The following RBL2 variants were observed in gnomAD, a reference collection of about 807,000 sequenced individuals.
The protein encoded by RBL2 is retinoblastoma-like protein 2.
Under a neutral mutation model 126.0 loss-of-function variants are expected in RBL2, and 56 were observed. That is an observed-to-expected ratio of 0.44 (90% CI 0.36 to 0.56). The LOEUF is 0.56. Ranked by LOEUF, RBL2 falls within the 20% of genes least tolerant of loss-of-function variation. The probability of loss-of-function intolerance (pLI) is 0.00; values close to 1 mark genes in which losing one functional copy is unlikely to be tolerated. For missense variants in RBL2, 1,229 were observed against 1,398.2 expected (o/e 0.88, Z 1.93); for synonymous variants, 454 against 478.5 (o/e 0.95, Z 0.67).
intron 3 of RBL2, among the ~76,000 whole-genome samples, chr16:53,446,503 C>G (rs576635970): frequency 3.9e-5 from 6 of 152,280 alleles, no homozygotes; most frequent in African/African-American, 1.2e-4. Context: ...AAGCTTAAAG[C>G]AGGTCTGAAA....
chr16:53,440,604 G>A (rs535161664), intron 2 of RBL2, among the ~76,000 whole-genome samples: 1 of 152,078 alleles, frequency 6.6e-6, no homozygotes, highest in African/African-American at 2.4e-5. Flanking sequence ...CCCAGGCCAG[G>A]GTGCAGGGGC....
chr16:53,488,273 T>C (rs1320532762), intron 21 of RBL2: 1 of 152,244 alleles, frequency 6.6e-6, no homozygotes, highest in Non-Finnish European at 1.5e-5. Context: ...AATGCATCAA[T>C]GCTTAAGTGA....
chr16:53,475,024 G>A (rs1003772697), intron 17 of RBL2, among the ~76,000 whole-genome samples: 4 of 152,146 alleles, frequency 2.6e-5, no homozygotes, highest in Admixed American at 6.5e-5. Context: ...GAATAATTCC[G>A]TCTCTTATTT....
At chr16:53,435,453 G>A in intron 1 of RBL2, 1 of 413,766 alleles carries the variant, frequency 2.4e-6, no homozygotes, top group Non-Finnish European at 3.3e-6. Context: ...TGGTCACCCC[G>A]GGCATTGCAC....
intron 9 of RBL2, among the ~76,000 whole-genome samples, chr16:53,461,209 C>G (rs2058216689): frequency 1.3e-5 from 2 of 152,124 alleles, no homozygotes; most frequent in Non-Finnish European, 2.9e-5. Context: ...AGGTGTATCC[C>G]CGGCCGGGCG....
At chr16:53,486,020 G>A (rs867867053) in intron 21 of RBL2, among the ~76,000 whole-genome samples, 2 of 151,746 alleles carry the variant, frequency 1.3e-5, no homozygotes, top group Non-Finnish European at 2.9e-5. Flanking sequence ...GCCAGATGTC[G>A]TGGCTCATGC....
At chr16:53,481,570 A>G in intron 20 of RBL2, 101 bp from the exon 21 acceptor site, 1 of 1,100,702 alleles carries the variant, frequency 9.1e-7, no homozygotes. Flanking sequence ...TGTCATTCAT[A>G]AAACTACTGG....
intron 4 of RBL2, chr16:53,449,380 T>C (rs1024489301): frequency 1.3e-5 from 2 of 152,204 alleles, no homozygotes; most frequent in African/African-American, 4.8e-5. Flanking sequence ...TTCTCTGTAA[T>C]TAACTCAGTG....
chr16:53,480,732 A>T lies in RBL2; in HGVS notation c.3047A>T (p.Gln1016Leu), dbSNP rs1244048633. The change falls in exon 20 of 22, where the codon CAG (glutamine) becomes CTG (leucine). Residue 1016 changes from glutamine (Q) to leucine (L), a missense_variant. Gln to Leu is a moderately radical substitution (Grantham distance 113). This residue lies in a region of RBL2 where 1,070 missense variants were observed against 1,274.3 expected (regional missense o/e 0.84). Coordinates refer to ENST00000262133, the MANE Select transcript of RBL2 (RefSeq NM_005611.4). ...TTCTACAACAACATCTACATCAAAC[A>T]GATTAAGACATTTGCCATGAAGTAC... The part of the protein sequence containing the change: ...IQFYNNIYIK[Q>L]IKTFAMKYSQ... 2 of 1,613,254 alleles carry T rather than the reference A, an allele frequency of 1.2e-6. No homozygotes were observed. Among genetic ancestry groups the T allele is most frequent in the South Asian group, 2.2e-5 (2 of 91,044 alleles).
At chr16:53,459,351 C>A in intron 8 of RBL2, 100 bp from the exon 9 acceptor site, 4 of 921,076 alleles carry the variant, frequency 4.3e-6, no homozygotes, top group East Asian at 2.6e-5. Context: ...GTCTTACTGG[C>A]TTGAAGTCCC....
intron 2 of RBL2, among the ~76,000 whole-genome samples, chr16:53,440,910 C>T (rs923736057): frequency 4.1e-5 from 6 of 148,058 alleles, no homozygotes; most frequent in Admixed American, 2.7e-4. Context: ...AGTTTGGTCA[C>T]TGTACAGGGA....
chr16:53,435,713 C>T (rs1457831375), intron 1 of RBL2: 2 of 1,288,818 alleles, frequency 1.6e-6, no homozygotes, highest in African/African-American at 1.5e-5. Context: ...AAGAGTCGGG[C>T]AAATAGGTCC....
chr16:53,449,196 T>C (rs962730355), intron 4 of RBL2: 1 of 152,202 alleles, frequency 6.6e-6, no homozygotes, highest in Non-Finnish European at 1.5e-5. Flanking sequence ...TTCATATGAT[T>C]GTATTGGGCA....
At chr16:53,480,995 C>T (rs1013086971) in intron 20 of RBL2, 7 of 382,338 alleles carry the variant, frequency 1.8e-5, no homozygotes, top group Non-Finnish European at 2.4e-5. Flanking sequence ...CCAGTCTCTA[C>T]TAAAAATACA....
At chr16:53,442,883 G>C in intron 3 of RBL2, 25 bp downstream of exon 3, 4 of 1,566,972 alleles carry the variant, frequency 2.6e-6, no homozygotes, top group Middle Eastern at 3.4e-4. Context: ...TGGTTCATCA[G>C]GAATACACGT....
At position 53,470,156 on chromosome 16, in the gene RBL2, A is replaced by G. The variant is rs752812521; in HGVS notation, c.2216A>G (p.Asn739Ser). ...GCAACCGCCACTGTCACAGCCAACA[A>G]TGGGCAAACGGTAACCATTCCTGTG... ...TMATATVTAN[N>S]GQTVTIPVQG... The change falls in exon 15 of 22, where the codon AAT (asparagine) becomes AGT (serine). Residue 739 changes from asparagine (N) to serine (S), a missense_variant. Asn to Ser is a conservative substitution (Grantham distance 46, BLOSUM62 1). Around this residue, in one of 2 missense-constraint regions of RBL2, gnomAD observed 1,070 missense variants for 1,274.3 expected, o/e 0.84. Transcript: ENST00000262133. 7.4e-6 allele frequency: 12 copies of G among 1,612,100 alleles called. No individual in the cohort carries two copies. Among genetic ancestry groups the G allele is most frequent in the African/African-American group, 2.7e-5 (2 of 74,908 alleles).
chr16:53,448,529 G>C (rs912516148), intron 4 of RBL2, among the ~76,000 whole-genome samples: 6 of 151,986 alleles, frequency 3.9e-5, no homozygotes, highest in African/African-American at 1.5e-4. Flanking sequence ...TGTTGCCCAG[G>C]CTGGAGTGCA....
At chr16:53,451,589 G>A (rs747087936) in intron 4 of RBL2, 114 bp from the exon 5 acceptor site, 2 of 1,150,354 alleles carry the variant, frequency 1.7e-6, no homozygotes, top group Non-Finnish European at 2.5e-6. Flanking sequence ...TTATTGTAAT[G>A]AGTCAATTTT....
chr16:53,472,058 T>C (rs1326523279), intron 17 of RBL2, among the ~76,000 whole-genome samples: 1 of 152,214 alleles, frequency 6.6e-6, no homozygotes, highest in Admixed American at 6.5e-5. Context: ...GGATAATATT[T>C]TCCAGGTTTA....
Sources: allele counts gnomAD v4.1 joint callset (sites outside exome capture counted in the v4.1 genomes callset), GRCh38; gene constraint gnomAD v4.1.1; regional missense constraint gnomAD v4.1.1; transcripts MANE v1.5; gene names NCBI Gene and HGNC (gene_info 2026-07-23, HGNC 2026-07-21).